PTPN4: variants seen among roughly 807,000 people sequenced by gnomAD.
PTPN4 encodes tyrosine-protein phosphatase non-receptor type 4.
A neutral mutation model predicts 135.5 loss-of-function variants in PTPN4; 49 were observed. The ratio of observed to expected loss-of-function variants is 0.36; its 90% CI spans 0.29 to 0.46. PTPN4 has a LOEUF of 0.46. Among genes scored for constraint, PTPN4 ranks in the 20% least tolerant of loss-of-function variants. PTPN4 has a pLI of 1.00. For missense variants in PTPN4, 860 were observed against 1,101.0 expected, an observed-to-expected ratio of 0.78 and a Z score of 3.10; for synonymous variants, 333 against 369.9, an observed-to-expected ratio of 0.90 and a Z score of 1.14.
Position 119,809,948 on chromosome 2 carries a change from A to G in PTPN4, c.95A>G (p.Asn32Ser). The G allele has an allele frequency of 1.9e-6, 3 of 1,613,770 alleles. No homozygotes were observed. The highest frequency in any genetic ancestry group is 2.5e-6 in the Non-Finnish European group (3 of 1,179,768). ...RDRQHTEVVC[N>S]ILLLDNTVQA... ...AGACAGCATACTGAAGTGGTTTGCA[A>G]CATCCTTCTTCTGGATAACACTGTA... The change falls in exon 2 of 27, where the codon AAC becomes AGC. Residue 32 changes from asparagine to serine, a missense_variant. Asn to Ser is a conservative substitution (Grantham distance 46). Transcript: ENST00000263708.
chr2:119,767,159 C>T (rs1448267388), intron 1 of PTPN4, among the ~76,000 whole-genome samples: 1 of 152,202 alleles, frequency 6.6e-6, no homozygotes, highest in Non-Finnish European at 1.5e-5. Flanking sequence ...TCAGTAAGGC[C>T]TTTTCCAGAT....
chr2:119,867,654 G>A (rs914928644), intron 3 of PTPN4, among the ~76,000 whole-genome samples: 2 of 151,908 alleles, frequency 1.3e-5, no homozygotes, highest in Non-Finnish European at 2.9e-5. Flanking sequence ...ATAGAATTTT[G>A]TACCTAGATT....
At chr2:119,900,203 T>A (rs1291853273) in intron 9 of PTPN4, among the ~76,000 whole-genome samples, 2 of 152,148 alleles carry the variant, frequency 1.3e-5, no homozygotes, top group Admixed American at 6.5e-5. Flanking sequence ...AGAATTGTTC[T>A]CTATTATATA....
At chr2:119,863,097 T>C (rs987811100) in intron 3 of PTPN4, among the ~76,000 whole-genome samples, 28 of 152,092 alleles carry the variant, frequency 1.8e-4, no homozygotes, top group African/African-American at 6.0e-4. Flanking sequence ...ACAAATAAGA[T>C]AGAGATTAAA....
chr2:119,820,436 A>G (rs1677048909), intron 2 of PTPN4, among the ~76,000 whole-genome samples: 2 of 152,176 alleles, frequency 1.3e-5, no homozygotes, highest in East Asian at 1.9e-4. Flanking sequence ...AGGAAGCTAC[A>G]TGACTCACTC....
chr2:119,794,412 C>G (rs1691214387), intron 1 of PTPN4, among the ~76,000 whole-genome samples: 1 of 152,110 alleles, frequency 6.6e-6, no homozygotes, highest in Non-Finnish European at 1.5e-5. Context: ...TGTGGAGCAG[C>G]AAGGCGTGTG....
intron 3 of PTPN4, among the ~76,000 whole-genome samples, chr2:119,863,160 C>T (rs1013187347): frequency 1.3e-5 from 2 of 151,892 alleles, no homozygotes; most frequent in African/African-American, 4.8e-5. Context: ...TTTACTTATT[C>T]TTCAGTAATT....
rs369999557 is a variant in PTPN4, at chr2:119,902,353, TAA to T, written c.764+1549_764+1550del. Among the ~76,000 whole-genome samples the T allele has an allele frequency of 7.2e-5, 11 of 152,222 alleles. No homozygotes were observed. In the East Asian group the frequency reaches 1.7e-3, roughly 24 times the overall value. On this transcript the variant is annotated intron_variant, in intron 10 of 26. Coordinates refer to ENST00000263708, the MANE Select transcript of PTPN4 (RefSeq NM_002830.4). ...TTATCCTTCAGAAGTGAACGAGAAA[TAA>T]AGACTTTCACACACACAAACAAAAA...
intron 22 of PTPN4, among the ~76,000 whole-genome samples, chr2:119,959,153 A>G (rs1679329371): frequency 1.3e-5 from 2 of 152,032 alleles, no homozygotes; most frequent in African/African-American, 4.8e-5. Flanking sequence ...TTTGAGGGTT[A>G]TGAATAAATT....
At position 119,979,501 on chromosome 2, in the gene PTPN4, T is replaced by C. The variant is rs1423094535; in HGVS notation, c.*2431T>C. Reference sequence around the variant, plus strand: ...CATTTTTATGTGCAGAAAAGATCCTTTTTGAAAACCATATTTATTGGGATC... The same window carrying C: ...CATTTTTATGTGCAGAAAAGATCCTCTTTGAAAACCATATTTATTGGGATC... On this transcript the variant is annotated 3_prime_UTR_variant, in exon 27 of 27. Transcript: ENST00000263708. 1 of 152,150 alleles carries C rather than the reference T, an allele frequency of 6.6e-6. No individual in the cohort carries two copies. The highest frequency in any genetic ancestry group is 3.2e-3 in the Middle Eastern group (1 of 316). 9.4% of individuals were successfully genotyped at this position (152,150 alleles called of 1,614,324 possible). A position where few individuals can be genotyped will look rare whatever the true frequency, so the allele number is the denominator to read the frequency against.
At chr2:119,772,829 G>A (rs917221552) in intron 1 of PTPN4, among the ~76,000 whole-genome samples, 5 of 152,264 alleles carry the variant, frequency 3.3e-5, no homozygotes, top group African/African-American at 4.8e-5. Context: ...GTGAGCCACC[G>A]TGCCTGGCCC....
chr2:119,937,619 G>T (rs1055450805), intron 15 of PTPN4, among the ~76,000 whole-genome samples: 1 of 152,184 alleles, frequency 6.6e-6, no homozygotes, highest in Non-Finnish European at 1.5e-5. Context: ...TTAAAGCTCA[G>T]TGGACTGAAA....
rs552138899 is a variant in PTPN4 at position 119,962,358 on chromosome 2, G to A, written c.2281-258G>A. On this transcript the variant is annotated intron_variant, in intron 23 of 26. Coordinates refer to ENST00000263708, the MANE Select transcript of PTPN4 (RefSeq NM_002830.4). ...AATCCCAGCTACTTGGGAGGCTGAG[G>A]CAGGAGAATCGCTTGAACCCAGGAG... 5.3e-5 allele frequency among the ~76,000 whole-genome samples: 8 copies of A among 152,068 alleles called. No individual in the cohort carries two copies. The East Asian group carries it at 1.4e-3, about 26-fold the overall frequency.
intron 1 of PTPN4, among the ~76,000 whole-genome samples, chr2:119,782,446 A>G (rs1690958638): frequency 6.6e-6 from 1 of 152,104 alleles, no homozygotes; most frequent in African/African-American, 2.4e-5. Flanking sequence ...AAAATTCTTA[A>G]GTTATATGAG....
intron 1 of PTPN4, among the ~76,000 whole-genome samples, chr2:119,760,733 C>CTTTTTTTTTT (rs59953430): frequency 2.0e-4 from 16 of 79,906 alleles, no homozygotes; most frequent in Non-Finnish European, 2.4e-4. Context: ...GGTAGAATTC[C>CTTTTTTTTTT]TTTTTTTTTT....
At chr2:119,876,911 G>A (rs1280253462) in intron 3 of PTPN4, among the ~76,000 whole-genome samples, 2 of 150,090 alleles carry the variant, frequency 1.3e-5, no homozygotes, top group Admixed American at 6.6e-5. Flanking sequence ...GTGTGTGTGT[G>A]TGTGTGTGTG....
intron 1 of PTPN4, among the ~76,000 whole-genome samples, chr2:119,792,605 T>G (rs544403963): frequency 6.6e-6 from 1 of 152,364 alleles, no homozygotes; most frequent in South Asian, 2.1e-4. Context: ...GAAGAAAAAT[T>G]ACCAAAGTAT....
intron 3 of PTPN4, among the ~76,000 whole-genome samples, chr2:119,867,774 T>A (rs1347554613): frequency 6.6e-6 from 1 of 152,228 alleles, no homozygotes; most frequent in East Asian, 1.9e-4. Flanking sequence ...CCTTGTATCT[T>A]GAGACCTTGC....
intron 2 of PTPN4, among the ~76,000 whole-genome samples, chr2:119,847,038 TG>T (rs1417568263): frequency 6.6e-6 from 1 of 150,926 alleles, no homozygotes; most frequent in Non-Finnish European, 1.5e-5. Flanking sequence ...ATATAGAAAT[TG>T]TATATTAGCC....
Sources: gnomAD v4.1 joint callset for allele counts (sites outside exome capture counted in the v4.1 genomes callset) on GRCh38, gnomAD v4.1.1 for gene constraint, MANE v1.5 for transcripts, NCBI Gene and HGNC (gene_info 2026-07-23, HGNC 2026-07-21) for gene names.